The following SLC27A6 variants were observed in gnomAD, a reference collection of about 807,000 sequenced individuals.
SLC27A6 encodes long-chain fatty acid transport protein 6.
A neutral mutation model predicts 63.9 loss-of-function variants in SLC27A6; 74 were observed. The ratio of observed to expected loss-of-function variants is 1.16; its 90% CI spans 0.96 to 1.40. The LOEUF (loss-of-function observed/expected upper bound fraction) is 1.40. Ranked by LOEUF, SLC27A6 falls within the 40% of genes most tolerant of loss-of-function variation. The pLI, the probability that SLC27A6 is intolerant of heterozygous loss-of-function variation, is 0.00. For missense variants in SLC27A6, 794 were observed against 732.9 expected, an observed-to-expected ratio of 1.08 and a Z score of -0.96; for synonymous variants, 287 against 260.8, an observed-to-expected ratio of 1.10 and a Z score of -0.97.
At chr5:128,980,523 T>C (rs565559551) in intron 1 of SLC27A6, among the ~76,000 whole-genome samples, 1 of 152,306 alleles carries the variant, frequency 6.6e-6, no homozygotes, top group East Asian at 1.9e-4. Context: ...GGGTCCACAG[T>C]GTATGTTGGA....
chr5:128,972,075 A>T (rs1372063139), intron 1 of SLC27A6, among the ~76,000 whole-genome samples: 1 of 152,154 alleles, frequency 6.6e-6, no homozygotes, highest in Non-Finnish European at 1.5e-5. Flanking sequence ...TTCTTTAAGA[A>T]TGTTGAATAT....
At chr5:129,018,289 A>G (rs1437883909) in intron 5 of SLC27A6, among the ~76,000 whole-genome samples, 1 of 152,102 alleles carries the variant, frequency 6.6e-6, no homozygotes, top group African/African-American at 2.4e-5. Flanking sequence ...CATACCTCAA[A>G]GAACACCTGG....
chr5:128,969,067 T>C (rs1027132789), intron 1 of SLC27A6, among the ~76,000 whole-genome samples: 1 of 152,194 alleles, frequency 6.6e-6, no homozygotes, highest in Non-Finnish European at 1.5e-5. Flanking sequence ...AAAGATCAGA[T>C]GGCTGTAGAT....
intron 4 of SLC27A6, among the ~76,000 whole-genome samples, 157 bp from the exon 5 acceptor site, chr5:129,015,728 T>G (rs1751868917): frequency 6.6e-6 from 1 of 152,240 alleles, no homozygotes; most frequent in African/African-American, 2.4e-5. Flanking sequence ...CATTAGGATT[T>G]GGACACAGTT....
rs1215650643 is a variant in SLC27A6 at position 128,965,967 on chromosome 5, C to G, written c.-171C>G. On this transcript the variant is annotated 5_prime_UTR_variant, in exon 1 of 10. Transcript: ENST00000262462. Reference sequence around the variant, plus strand: ...ACCTTTTCGGTGCAAACCTACGATTCTGTTTCTCAGGATTCCTCCCCATCC... The same window carrying G: ...ACCTTTTCGGTGCAAACCTACGATTGTGTTTCTCAGGATTCCTCCCCATCC... 4.3e-6 allele frequency: 3 copies of G among 692,022 alleles called. No homozygotes were observed. The highest frequency in any genetic ancestry group is 6.5e-6 in the Non-Finnish European group (3 of 461,506). The allele number at this position is 692,022 out of a possible 1,614,324, so 42.9% of individuals were successfully genotyped here. A position where few individuals can be genotyped will look rare whatever the true frequency, so the allele number is the denominator to read the frequency against.
chr5:128,991,355 C>T (rs947107514), intron 4 of SLC27A6, among the ~76,000 whole-genome samples: 1 of 152,146 alleles, frequency 6.6e-6, no homozygotes, highest in Admixed American at 6.5e-5. Flanking sequence ...TCTTTCAGAA[C>T]ATAATTTAGC....
chr5:129,017,918 G>T (rs142349366), intron 5 of SLC27A6, among the ~76,000 whole-genome samples: 1 of 151,938 alleles, frequency 6.6e-6, no homozygotes, highest in Non-Finnish European at 1.5e-5. Flanking sequence ...CCTCTGTTAC[G>T]AACTCTTCCA....
chr5:128,982,227 C>T (rs891045363), intron 1 of SLC27A6, among the ~76,000 whole-genome samples: 2 of 152,214 alleles, frequency 1.3e-5, no homozygotes, highest in African/African-American at 4.8e-5. Context: ...TCCTCACCCA[C>T]ATTTCCTACC....
chr5:129,027,544 G>C (rs898530167), intron 7 of SLC27A6, among the ~76,000 whole-genome samples: 1 of 152,082 alleles, frequency 6.6e-6, no homozygotes, highest in Non-Finnish European at 1.5e-5. Flanking sequence ...TAGTGAATCA[G>C]TTTAGAACAA....
At chr5:129,029,519 T>A in intron 8 of SLC27A6, 58 bp from the exon 9 acceptor site, 1 of 1,211,122 alleles carries the variant, frequency 8.3e-7, no homozygotes, top group South Asian at 1.5e-5. Context: ...ATGTACAGAA[T>A]TATCTTTTAA....
chr5:129,008,923 G>A (rs1751636521), intron 4 of SLC27A6, among the ~76,000 whole-genome samples: 1 of 143,788 alleles, frequency 7.0e-6, no homozygotes, highest in African/African-American at 2.6e-5. Context: ...CTGGAGTGCA[G>A]TGGTGCAATC....
At chr5:128,981,864 A>G (rs913636128) in intron 1 of SLC27A6, among the ~76,000 whole-genome samples, 2 of 146,754 alleles carry the variant, frequency 1.4e-5, no homozygotes, top group Non-Finnish European at 3.0e-5. Context: ...CCTAAGCTGG[A>G]GTGCAGTGGC....
chr5:128,977,504 G>C (rs1046762574), intron 1 of SLC27A6, among the ~76,000 whole-genome samples: 2 of 152,096 alleles, frequency 1.3e-5, no homozygotes, highest in Non-Finnish European at 2.9e-5. Flanking sequence ...AGAGGGAAAG[G>C]GAGAAGATGG....
chr5:128,985,137 G>T lies in SLC27A6; in HGVS notation c.486G>T (p.Leu162Phe), dbSNP rs764091926. The T allele has an allele frequency of 1.2e-6, 2 of 1,612,664 alleles. No individual in the cohort carries two copies. Among genetic ancestry groups the T allele is most frequent in the Non-Finnish European group, 1.7e-6 (2 of 1,179,378 alleles). ...GPRALVVGAD[L>F]LGTVEEILPS... The stretch of plus-strand genomic sequence containing the variant: ...TCCCAACCCTTTGGCTTTTAGATTT[G>T]CTTGGAACGGTAGAAGAAATCCTTC... Residue 162 changes from leucine (L) to phenylalanine (F), a missense_variant, in exon 2 of 10, where the codon TTG (leucine) becomes TTT (phenylalanine). Physicochemically the swap from Leu to Phe is conservative, Grantham distance 22. Transcript: ENST00000262462.
At chr5:128,989,707 G>A (rs1170181599) in intron 3 of SLC27A6, among the ~76,000 whole-genome samples, 1 of 151,958 alleles carries the variant, frequency 6.6e-6, no homozygotes, top group Non-Finnish European at 1.5e-5. Flanking sequence ...GGTGGATCAC[G>A]AGGTCAGGAG....
intron 2 of SLC27A6, 98 bp downstream of exon 2, chr5:128,985,434 G>A: frequency 2.3e-6 from 2 of 880,562 alleles, no homozygotes; most frequent in Non-Finnish European, 3.6e-6. Flanking sequence ...CCAACCATCT[G>A]AGAATGCATG....
rs1315415347 is a variant in SLC27A6, at chr5:128,966,046, A to T, written c.-92A>T. The T allele has an allele frequency of 6.9e-7, 1 of 1,443,892 alleles. No individual in the cohort carries two copies. The highest frequency in any genetic ancestry group is 1.4e-5 in the African/African-American group (1 of 70,424). The allele number at this position is 1,443,892 out of a possible 1,614,324, so 89.4% of individuals were successfully genotyped here. On this transcript the variant is annotated 5_prime_UTR_variant, in exon 1 of 10. Transcript: ENST00000262462. ...CTTCAGGTGTAAGCCCTGAGTAGTG[A>T]GGATCTGCGGTCTCCGTGGAGAGCT... is the stretch of plus-strand genomic sequence containing the variant.
In SLC27A6 at chr5:128,966,459, G is replaced by A. The variant is rs1403477039; in HGVS notation, c.322G>A (p.Val108Met). The change falls in exon 1 of 10, where the codon GTG (valine) becomes ATG (methionine). Residue 108 changes from valine (V) to methionine (M), a missense_variant. Val to Met is a conservative substitution (Grantham distance 21, BLOSUM62 1). Transcript: ENST00000262462. The part of the protein sequence containing the change: ...NHSSLKKGDT[V>M]ALLMSNEPDF... ...TTCCTCTCTGAAAAAGGGGGACACGGTGGCTCTGCTGATGAGCAATGAGCC... is the reference window on the plus strand; with the variant it reads ...TTCCTCTCTGAAAAAGGGGGACACGATGGCTCTGCTGATGAGCAATGAGCC... The A allele has an allele frequency of 3.1e-6, 5 of 1,608,282 alleles. No individual in the cohort carries two copies. In the South Asian group the frequency reaches 3.3e-5, roughly 11 times the overall value.
chr5:129,033,028 A>G, intron 9 of SLC27A6, 78 bp from the exon 10 acceptor site: 2 of 778,608 alleles, frequency 2.6e-6, no homozygotes, highest in Non-Finnish European at 3.8e-6. Flanking sequence ...ATTTAATATT[A>G]CAGTCTATAG....
Sources: allele counts gnomAD v4.1 joint callset (sites outside exome capture counted in the v4.1 genomes callset), GRCh38; gene constraint gnomAD v4.1.1; transcripts MANE v1.5; gene names NCBI Gene and HGNC (gene_info 2026-07-23, HGNC 2026-07-21).